Variants in HSF2BP observed in about 807,000 individuals in gnomAD.
HSF2BP encodes heat shock factor 2-binding protein.
In HSF2BP, 35 loss-of-function variants were observed where a neutral mutation model predicts 35.0. That is an observed-to-expected ratio of 1.00 (90% confidence interval 0.76 to 1.32). HSF2BP has a LOEUF of 1.32. Ranked by LOEUF, HSF2BP falls within the 40% of genes most tolerant of loss-of-function variation. The pLI is 0.00. For synonymous variants in HSF2BP, 114 were observed against 117.4 expected, an observed-to-expected ratio of 0.97 and a Z score of 0.18; for missense variants, 326 against 321.7, an observed-to-expected ratio of 1.01 and a Z score of -0.10.
chr21:43,634,450 C>T (rs2147030072), intron 4 of HSF2BP, among the ~76,000 whole-genome samples: 1 of 152,100 alleles, frequency 6.6e-6, no homozygotes, highest in Non-Finnish European at 1.5e-5. Context: ...TCATTTATAC[C>T]AAATGTAATT....
intron 8 of HSF2BP, among the ~76,000 whole-genome samples, chr21:43,582,228 TGGGGGATGAGGGCCTGCTGA>T (rs2081757864): frequency 3.8e-4 from 8 of 20,878 alleles, no homozygotes; most frequent in Admixed American, 5.1e-4. Context: ...GGGCCTGCTG[TGGGGGATGAGGGCCTGCTGA>T]GGGAGATGAG....
intron 7 of HSF2BP, among the ~76,000 whole-genome samples, chr21:43,605,750 CAT>C (rs2082127694): frequency 6.7e-6 from 1 of 149,348 alleles, no homozygotes; most frequent in African/African-American, 2.5e-5. Context: ...CTCCCCCCAA[CAT>C]ATATACACAC....
intron 4 of HSF2BP, among the ~76,000 whole-genome samples, chr21:43,635,928 CAAAA>C (rs33999944): frequency 1.4e-5 from 1 of 71,104 alleles, no homozygotes; most frequent in Admixed American, 1.9e-4. Flanking sequence ...GACTCCATCT[CAAAA>C]AAAAAAAAAA....
At chr21:43,612,650 CAAAAAAAAAA>C (rs762585967) in intron 7 of HSF2BP, among the ~76,000 whole-genome samples, 7 of 76,504 alleles carry the variant, frequency 9.1e-5, no homozygotes, top group Admixed American at 8.2e-4. Context: ...GACTCCGTCT[CAAAAAAAAAA>C]AAAAAAAAAA....
At chr21:43,653,777 G>T (rs1049314681) in intron 3 of HSF2BP, among the ~76,000 whole-genome samples, 1 of 152,202 alleles carries the variant, frequency 6.6e-6, no homozygotes, top group African/African-American at 2.4e-5. Flanking sequence ...AGACCGCCAG[G>T]AGGAGGCAGA....
In HSF2BP at chr21:43,658,154, C is replaced by T. The variant is rs2838343; in HGVS notation, c.-58G>A. 847,529 of 1,469,810 alleles carry T rather than the reference C, an allele frequency of 0.58. 247,111 individuals are homozygous for T. The highest frequency in any genetic ancestry group is 0.78 in the East Asian group (30,264 of 38,786). The allele number at this position is 1,469,810 out of a possible 1,614,324, so 91.0% of individuals were successfully genotyped here. Reference sequence around the variant, plus strand: ...CGTCGGCGCGCCCTCTGACCCCTCACGCCAGAAAGCGCGGGAACGAATCCA... The same window carrying T: ...CGTCGGCGCGCCCTCTGACCCCTCATGCCAGAAAGCGCGGGAACGAATCCA... On this transcript the variant is annotated 5_prime_UTR_variant, in exon 2 of 9. The change creates a new upstream start codon in the 5' untranslated region. Coordinates refer to ENST00000291560, the MANE Select transcript of HSF2BP (RefSeq NM_007031.2).
chr21:43,648,412 G>A (rs569410118), intron 3 of HSF2BP, among the ~76,000 whole-genome samples: 1 of 152,286 alleles, frequency 6.6e-6, no homozygotes, highest in South Asian at 2.1e-4. Flanking sequence ...CTGGAGCAAC[G>A]CCTCTCGCCA....
At chr21:43,617,682 G>A (rs992604447) in intron 6 of HSF2BP, among the ~76,000 whole-genome samples, 1 of 151,896 alleles carries the variant, frequency 6.6e-6, no homozygotes, top group Non-Finnish European at 1.5e-5. Flanking sequence ...GGCCAGGTAC[G>A]GTGGCTCCCA....
At chr21:43,583,418 T>C (rs1601619698) in intron 8 of HSF2BP, among the ~76,000 whole-genome samples, 1 of 50,472 alleles carries the variant, frequency 2.0e-5, no homozygotes, top group African/African-American at 9.1e-5. Context: ...AAGGGCCTGC[T>C]GAGGGAGATG....
chr21:43,657,035 C>T (rs918728422), intron 2 of HSF2BP, among the ~76,000 whole-genome samples: 2 of 152,158 alleles, frequency 1.3e-5, no homozygotes, highest in Admixed American at 1.3e-4. Flanking sequence ...CAAGACCAGT[C>T]TGAGCAACAT....
rs541885310 is a variant in HSF2BP at position 43,583,576 on chromosome 21, C to A, written c.796+8649G>T. On this transcript the variant is annotated intron_variant, in intron 8 of 8. Transcript: ENST00000291560. Reference sequence around the variant, plus strand: ...ACCTGCTGAGGGAGATGAAGACCTGCTGAGGGAGATGAGGACCTCCTGAGG... The same window carrying A: ...ACCTGCTGAGGGAGATGAAGACCTGATGAGGGAGATGAGGACCTCCTGAGG... 3.4e-4 allele frequency among the ~76,000 whole-genome samples: 45 copies of A among 131,302 alleles called. 1 individual carries two copies. The South Asian group carries it at 0.011, about 33-fold the overall frequency. The allele number at this position is 131,302 out of a possible 152,430, so 86.1% of individuals were successfully genotyped here.
chr21:43,575,990 C>T (rs1341201353), intron 8 of HSF2BP, among the ~76,000 whole-genome samples: 3 of 151,900 alleles, frequency 2.0e-5, no homozygotes, highest in Admixed American at 6.6e-5. Flanking sequence ...TGGTGGCGTG[C>T]GCCTGTAGTC....
intron 7 of HSF2BP, among the ~76,000 whole-genome samples, chr21:43,599,639 C>G (rs1322040509): frequency 1.3e-5 from 2 of 151,742 alleles, no homozygotes; most frequent in African/African-American, 4.8e-5. Flanking sequence ...ACTAAAAATA[C>G]AAAACTTAGC....
chr21:43,590,815 G>T (rs2081916662), intron 8 of HSF2BP, among the ~76,000 whole-genome samples: 1 of 152,206 alleles, frequency 6.6e-6, no homozygotes, highest in African/African-American at 2.4e-5. Flanking sequence ...CTACAGCGCA[G>T]AAAGGAGGCG....
Position 43,659,108 on chromosome 21 carries a change from G to C in HSF2BP, c.-225+278C>G, listed in dbSNP as rs1361212144. Among the ~76,000 whole-genome samples the C allele has an allele frequency of 6.6e-6, 1 of 152,120 alleles. No homozygotes were observed. The highest frequency in any genetic ancestry group is 2.4e-5 in the African/African-American group (1 of 41,436). On this transcript the variant is annotated intron_variant, in intron 1 of 8. Transcript: ENST00000291560. This position sits in a 1 kb window ranked among gnomAD's most constrained non-coding sequence, Gnocchi z 4.2. Reference sequence around the variant, plus strand: ...AGCCCAGGAGTTTGAGACCAGCTTGGGCAACATAGCGAGACACCGTCTCTA... The same window carrying C: ...AGCCCAGGAGTTTGAGACCAGCTTGCGCAACATAGCGAGACACCGTCTCTA...
intron 8 of HSF2BP, among the ~76,000 whole-genome samples, chr21:43,584,131 C>T (rs1202905258): frequency 6.9e-6 from 1 of 144,584 alleles, no homozygotes. Context: ...AAGGACCTGC[C>T]GAAGGAGATG....
the HSF2BP span, among the ~76,000 whole-genome samples, chr21:43,467,887 A>C: frequency 1.6e-3 from 60 of 37,200 alleles, no homozygotes; most frequent in Non-Finnish European, 2.8e-3. Flanking sequence ...CACCACACAC[A>C]CCACACACCA....
At chr21:43,616,464 C>A (rs1056206634) in intron 6 of HSF2BP, among the ~76,000 whole-genome samples, 2 of 151,644 alleles carry the variant, frequency 1.3e-5, no homozygotes, top group African/African-American at 4.9e-5. Flanking sequence ...GCCAACATGG[C>A]AAAACCCTGT....
intron 6 of HSF2BP, among the ~76,000 whole-genome samples, chr21:43,625,251 A>G (rs1400110571): frequency 6.6e-6 from 1 of 152,112 alleles, no homozygotes; most frequent in Non-Finnish European, 1.5e-5. Flanking sequence ...CAGCCAACCA[A>G]TCTGAAAAAT....
Sources: allele counts gnomAD v4.1 joint callset (sites outside exome capture counted in the v4.1 genomes callset), GRCh38; gene constraint gnomAD v4.1.1; non-coding constraint Gnocchi (gnomAD v3.1); transcripts MANE v1.5; gene names NCBI Gene and HGNC (gene_info 2026-07-23, HGNC 2026-07-21).